Variants in ARHGAP31 observed in about 807,000 individuals in gnomAD.
ARHGAP31 encodes the protein Rho GTPase activating protein 31, also known as rho GTPase-activating protein 31.
ARHGAP31 carries 34 observed loss-of-function variants against 113.9 expected under a neutral mutation model. The observed-to-expected ratio is 0.30, with a 90% CI of 0.23 to 0.40. The LOEUF is 0.40. ARHGAP31 is among the 10% of genes least tolerant of loss of function. ARHGAP31 has a pLI of 1.00. For missense variants in ARHGAP31, 1,548 were observed against 1,767.1 expected (o/e 0.88, Z 2.22); for synonymous variants, 650 against 684.8 (o/e 0.95, Z 0.79).
At chr3:119,359,259 C>A (rs1403208148) in intron 1 of ARHGAP31, among the ~76,000 whole-genome samples, 2 of 152,016 alleles carry the variant, frequency 1.3e-5, no homozygotes, top group African/African-American at 4.8e-5. Context: ...CTCAGGTGAT[C>A]CACCTGCCTT....
intron 1 of ARHGAP31, among the ~76,000 whole-genome samples, chr3:119,304,740 T>C (rs750226230): frequency 5.6e-4 from 85 of 151,960 alleles, no homozygotes; most frequent in Non-Finnish European, 1.1e-3. Flanking sequence ...GAGAATTCTG[T>C]TAAAATTAGC....
chr3:119,402,566 A>G (rs1415092219), intron 10 of ARHGAP31, among the ~76,000 whole-genome samples, 169 bp downstream of exon 10: 1 of 152,240 alleles, frequency 6.6e-6, no homozygotes, highest in African/African-American at 2.4e-5. Flanking sequence ...TCAGCAGGTT[A>G]ATGTAACCAC....
chr3:119,381,748 G>A (rs2080399276), intron 4 of ARHGAP31, among the ~76,000 whole-genome samples: 2 of 152,140 alleles, frequency 1.3e-5, no homozygotes, highest in Non-Finnish European at 2.9e-5. Context: ...AGCACTTTGG[G>A]AGGCCCAGGC....
At chr3:119,344,019 T>A in intron 1 of ARHGAP31, among the ~76,000 whole-genome samples, 1 of 150,166 alleles carries the variant, frequency 6.7e-6, no homozygotes, top group East Asian at 1.9e-4. Context: ...GTGAGTGTGA[T>A]ACTGAGAGGG....
intron 1 of ARHGAP31, among the ~76,000 whole-genome samples, chr3:119,328,364 T>A (rs1409610905): frequency 6.6e-6 from 1 of 152,132 alleles, no homozygotes; most frequent in Non-Finnish European, 1.5e-5. Flanking sequence ...GACTCTCTTG[T>A]CTCTGCATGG....
chr3:119,401,997 T>C lies in ARHGAP31; in HGVS notation c.1245T>C (p.Ser415=). The part of the protein sequence containing the change: ...PGAEGGFDVS[S]DRSHLQGAQA... Reference sequence around the variant, plus strand: ...CTGAGGGTGGCTTTGATGTGAGCAGTGATCGCAGCCATCTCCAGGGCGCTC... The same window carrying C: ...CTGAGGGTGGCTTTGATGTGAGCAGCGATCGCAGCCATCTCCAGGGCGCTC... Residue 415 remains serine (S), a synonymous_variant, in exon 10 of 12, where the codon AGT becomes AGC. Transcript: ENST00000264245. The C allele has an allele frequency of 6.2e-7, 1 of 1,614,088 alleles. No homozygotes were observed.
intron 2 of ARHGAP31, 83 bp downstream of exon 2, chr3:119,365,501 T>C: frequency 7.9e-7 from 1 of 1,263,308 alleles, no homozygotes; most frequent in East Asian, 2.4e-5. Flanking sequence ...TCCAGAGTAT[T>C]AAAAACCCAA....
intron 4 of ARHGAP31, among the ~76,000 whole-genome samples, chr3:119,381,762 C>CG (rs1559986273): frequency 6.6e-6 from 1 of 152,044 alleles, no homozygotes; most frequent in East Asian, 1.9e-4. Flanking sequence ...CCCAGGCGGG[C>CG]GAGCACGAGG....
intron 1 of ARHGAP31, among the ~76,000 whole-genome samples, chr3:119,341,334 G>T (rs1235601636): frequency 6.6e-6 from 1 of 152,186 alleles, no homozygotes; most frequent in Non-Finnish European, 1.5e-5. Context: ...CGTTGCTGTT[G>T]CTGATGATAA....
intron 3 of ARHGAP31, among the ~76,000 whole-genome samples, chr3:119,373,018 T>C (rs1284153288): frequency 1.3e-5 from 2 of 152,132 alleles, no homozygotes; most frequent in Non-Finnish European, 2.9e-5. Context: ...AATGAGGAAA[T>C]CAAGTTTCAT....
intron 1 of ARHGAP31, among the ~76,000 whole-genome samples, chr3:119,301,710 GCT>G: frequency 6.6e-6 from 1 of 152,250 alleles, no homozygotes; most frequent in Non-Finnish European, 1.5e-5. Flanking sequence ...TGTGGGTGAG[GCT>G]CTGCAGCAGT....
chr3:119,375,775 C>A (rs1222273672), intron 3 of ARHGAP31, among the ~76,000 whole-genome samples: 1 of 151,948 alleles, frequency 6.6e-6, no homozygotes, highest in African/African-American at 2.4e-5. Flanking sequence ...TGCCTTTTTT[C>A]TTTTTTTAAT....
In ARHGAP31 at chr3:119,414,449, C is replaced by G. The variant is rs61743043; in HGVS notation, c.2520C>G (p.Thr840=). 1.9e-4 allele frequency: 304 copies of G among 1,614,188 alleles called. No homozygotes were observed. The African/African-American group carries it at 3.6e-3, about 19-fold the overall frequency. The change falls in exon 12 of 12, where the codon ACC becomes ACG. Residue 840 remains threonine, a synonymous_variant. Transcript: ENST00000264245. ...GCCTCTGTCAGGGAGAGGAGGCAAC[C>G]CCAAGACACAGTGACAAGCAAAATT... is the stretch of plus-strand genomic sequence containing the variant. ...ISSLCQGEEA[T]PRHSDKQNSK... is the part of the protein sequence containing the mutation.
intron 1 of ARHGAP31, among the ~76,000 whole-genome samples, chr3:119,353,424 TCA>T (rs1212019884): frequency 6.6e-6 from 1 of 152,222 alleles, no homozygotes; most frequent in Non-Finnish European, 1.5e-5. Flanking sequence ...CCTCTGAGCT[TCA>T]GTTTCTTCAT....
At chr3:119,406,502 G>A (rs776247116) in intron 10 of ARHGAP31, among the ~76,000 whole-genome samples, 4 of 152,148 alleles carry the variant, frequency 2.6e-5, no homozygotes, top group South Asian at 2.1e-4. Context: ...CAAATGCCCC[G>A]CTTTAGGGGT....
chr3:119,381,297 A>G (rs768628066), intron 4 of ARHGAP31, among the ~76,000 whole-genome samples: 28 of 152,330 alleles, frequency 1.8e-4, no homozygotes, highest in Admixed American at 9.8e-4. Flanking sequence ...GATTTGTAGC[A>G]TAACCAAATC....
At chr3:119,351,800 G>C (rs1364558017) in intron 1 of ARHGAP31, among the ~76,000 whole-genome samples, 1 of 152,194 alleles carries the variant, frequency 6.6e-6, no homozygotes, top group African/African-American at 2.4e-5. Flanking sequence ...GCCGTTCTCT[G>C]TATCCATTAG....
chr3:119,382,392 C>G lies in ARHGAP31; in HGVS notation c.532C>G (p.Leu178Val), dbSNP rs955408382. 6.2e-7 allele frequency: 1 copy of G among 1,614,086 alleles called. No homozygotes were observed. ...CCTGGCCCTGGTGTGGGCGCCAAAC[C>G]TCCTCAGGTAACCACTCTACCCTCC... ...RNLALVWAPN[L>V]LRSKEIEATG... Residue 178 changes from leucine to valine, a missense_variant, in exon 5 of 12, where the codon CTC becomes GTC. Leu to Val is a conservative substitution (Grantham distance 32, BLOSUM62 1). Coordinates refer to ENST00000264245, the MANE Select transcript of ARHGAP31 (RefSeq NM_020754.4).
chr3:119,355,792 A>G (rs995571982), intron 1 of ARHGAP31, among the ~76,000 whole-genome samples: 6 of 152,192 alleles, frequency 3.9e-5, no homozygotes, highest in South Asian at 2.1e-4. Flanking sequence ...AGCTTCATCC[A>G]TGTCCCTACA....
Sources: gnomAD v4.1 joint callset for allele counts (sites outside exome capture counted in the v4.1 genomes callset) on GRCh38, gnomAD v4.1.1 for gene constraint, MANE v1.5 for transcripts, NCBI Gene and HGNC (gene_info 2026-07-23, HGNC 2026-07-21) for gene names.